Variants in SCHIP1 observed in about 807,000 individuals in gnomAD.
The protein encoded by SCHIP1 is schwannomin interacting protein 1.
A neutral mutation model predicts 29.7 loss-of-function variants in SCHIP1; 8 were observed. That is an observed-to-expected ratio of 0.27 (90% confidence interval 0.16 to 0.49). SCHIP1 has a LOEUF of 0.49. SCHIP1 is among the 20% of genes least tolerant of loss of function. The pLI, the probability that SCHIP1 is intolerant of heterozygous loss-of-function variation, is 0.99. For synonymous variants in SCHIP1, 76 were observed against 94.9 expected (o/e 0.80, Z 1.16); for missense variants, 193 against 294.6 (o/e 0.66, Z 2.52).
At chr3:159,603,023 A>AT in the SCHIP1 span, among the ~76,000 whole-genome samples, 2 of 152,140 alleles carry the variant, frequency 1.3e-5, no homozygotes, top group Non-Finnish European at 2.9e-5. Flanking sequence ...AGCCCCAGGG[A>AT]TTTTTTTACC....
At chr3:159,694,605 A>G in the SCHIP1 span, among the ~76,000 whole-genome samples, 1,090 of 137,206 alleles carry the variant, frequency 7.9e-3, 6 homozygotes, top group African/African-American at 0.019. Context: ...AGAAAGAAAG[A>G]AAGGAATTAT....
At chr3:159,832,743 C>T in the SCHIP1 span, among the ~76,000 whole-genome samples, 7 of 152,156 alleles carry the variant, frequency 4.6e-5, no homozygotes, top group African/African-American at 1.7e-4. Flanking sequence ...ATTCTCTTCT[C>T]ACTTTGTTGA....
chr3:159,713,233 GAAGAAAGA>G, the SCHIP1 span, among the ~76,000 whole-genome samples: 19,821 of 124,374 alleles, frequency 0.16, 1,462 homozygotes, highest in African/African-American at 0.17. Context: ...AGAAAGAAAG[GAAGAAAGA>G]AAGAAAGAAA....
chr3:159,732,342 G>T, the SCHIP1 span, among the ~76,000 whole-genome samples: 1 of 152,310 alleles, frequency 6.6e-6, no homozygotes, highest in East Asian at 1.9e-4. Flanking sequence ...AAGGCCAAGA[G>T]ATTTGGCTGC....
At chr3:159,496,567 TC>T in the SCHIP1 span, among the ~76,000 whole-genome samples, 1 of 151,562 alleles carries the variant, frequency 6.6e-6, no homozygotes, top group Non-Finnish European at 1.5e-5. Context: ...ACCATCTCAC[TC>T]CAGTTAGAAT....
At chr3:159,486,081 A>T in the SCHIP1 span, among the ~76,000 whole-genome samples, 1 of 152,182 alleles carries the variant, frequency 6.6e-6, no homozygotes. Context: ...ATACATAATG[A>T]ACTTATTGTT....
chr3:159,804,206 CT>C, the SCHIP1 span, among the ~76,000 whole-genome samples: 3 of 152,134 alleles, frequency 2.0e-5, no homozygotes, highest in Non-Finnish European at 4.4e-5. Flanking sequence ...AAATCCCACT[CT>C]TTTAGAGCTC....
the SCHIP1 span, among the ~76,000 whole-genome samples, chr3:159,400,515 T>C: frequency 6.6e-6 from 1 of 152,190 alleles, no homozygotes; most frequent in African/African-American, 2.4e-5. Flanking sequence ...AGGAGAAGAG[T>C]TAAATAGCTG....
the SCHIP1 span, among the ~76,000 whole-genome samples, chr3:159,407,023 A>AG: frequency 6.6e-6 from 1 of 152,174 alleles, no homozygotes; most frequent in Non-Finnish European, 1.5e-5. Flanking sequence ...AAATGACCGG[A>AG]GGAGGTCCCT....
the SCHIP1 span, among the ~76,000 whole-genome samples, chr3:159,592,163 G>T: frequency 6.6e-6 from 1 of 151,874 alleles, no homozygotes; most frequent in African/African-American, 2.4e-5. Context: ...GCCTTGTATG[G>T]GTTCTACTGA....
At chr3:159,854,320 C>T (rs945882874) in intron 1 of SCHIP1, among the ~76,000 whole-genome samples, 2 of 152,106 alleles carry the variant, frequency 1.3e-5, no homozygotes, top group African/African-American at 2.4e-5. Flanking sequence ...AAGCTTCTGT[C>T]GTGATAGATC....
the SCHIP1 span, among the ~76,000 whole-genome samples, chr3:159,823,808 A>C: frequency 6.6e-6 from 1 of 152,148 alleles, no homozygotes; most frequent in African/African-American, 2.4e-5. Flanking sequence ...CTCTTGGTTT[A>C]ATGTTCTGCT....
At chr3:159,738,659 G>T in the SCHIP1 span, among the ~76,000 whole-genome samples, 1 of 152,194 alleles carries the variant, frequency 6.6e-6, no homozygotes, top group Admixed American at 6.5e-5. Context: ...GGCAATGGGG[G>T]TATAACAACA....
the SCHIP1 span, among the ~76,000 whole-genome samples, chr3:159,796,260 C>CTA: frequency 9.9e-5 from 15 of 151,832 alleles, no homozygotes; most frequent in South Asian, 3.1e-3. Context: ...TACTCCCGAA[C>CTA]TAAGACAAGT....
chr3:159,740,291 A>AT, the SCHIP1 span, among the ~76,000 whole-genome samples: 1 of 152,206 alleles, frequency 6.6e-6, no homozygotes, highest in Non-Finnish European at 1.5e-5. Flanking sequence ...GGCCATACCC[A>AT]CACTGGTGAA....
the SCHIP1 span, among the ~76,000 whole-genome samples, chr3:159,319,016 C>T: frequency 1.3e-5 from 2 of 152,282 alleles, no homozygotes; most frequent in Non-Finnish European, 2.9e-5. Flanking sequence ...TCTATAGGAG[C>T]CTGCCAAAGG....
At chr3:159,458,434 G>A in the SCHIP1 span, among the ~76,000 whole-genome samples, 4 of 152,226 alleles carry the variant, frequency 2.6e-5, no homozygotes, top group Admixed American at 2.6e-4. Context: ...CAGGACACAA[G>A]AGTGGCCTCT....
the SCHIP1 span, among the ~76,000 whole-genome samples, chr3:159,671,717 A>T: frequency 2.0e-5 from 3 of 152,166 alleles, no homozygotes; most frequent in Non-Finnish European, 2.9e-5. Context: ...AATGTTCACT[A>T]TGAAGCCATT....
the SCHIP1 span, among the ~76,000 whole-genome samples, chr3:159,356,840 A>G: frequency 6.6e-6 from 1 of 152,236 alleles, no homozygotes; most frequent in Admixed American, 6.5e-5. Context: ...TAGCAGAAAC[A>G]TGCACTGTGA....
Sources: allele counts gnomAD v4.1 joint callset (sites outside exome capture counted in the v4.1 genomes callset), GRCh38; gene constraint gnomAD v4.1.1; transcripts MANE v1.5; gene names NCBI Gene and HGNC (gene_info 2026-07-23, HGNC 2026-07-21).